The following LRP11 variants were observed in gnomAD, a reference collection of about 807,000 sequenced individuals.
The protein encoded by LRP11 is low-density lipoprotein receptor-related protein 11.
A neutral mutation model predicts 43.1 loss-of-function variants in LRP11; 25 were observed. The ratio of observed to expected loss-of-function variants is 0.58; its 90% CI spans 0.42 to 0.81. The LOEUF is 0.81. Among genes scored for constraint, LRP11 ranks in the 30% least tolerant of loss-of-function variants. The probability of loss-of-function intolerance (pLI) is 0.00; values close to 1 mark genes in which losing one functional copy is unlikely to be tolerated. For synonymous variants in LRP11, 316 were observed against 299.4 expected (o/e 1.06, Z -0.57); for missense variants, 623 against 665.1 (o/e 0.94, Z 0.70).
chr6:149,860,783 G>A (rs1776880288), intron 1 of LRP11, among the ~76,000 whole-genome samples: 1 of 152,164 alleles, frequency 6.6e-6, no homozygotes, highest in African/African-American at 2.4e-5. Flanking sequence ...CCAGCCTAGT[G>A]ATCCCTTTCT....
At chr6:149,863,338 T>C in intron 1 of LRP11, 70 bp downstream of exon 1, 6 of 1,293,634 alleles carry the variant, frequency 4.6e-6, no homozygotes, top group Non-Finnish European at 5.9e-6. Flanking sequence ...GTGTTTCGCT[T>C]CCAACTTGGC....
rs1554260744 is a variant in LRP11, at chr6:149,862,577, C to CTATTTT, written c.613+830_613+831insAAAATA. On this transcript the variant is annotated intron_variant, in intron 1 of 6. Coordinates refer to ENST00000239367, the MANE Select transcript of LRP11 (RefSeq NM_032832.6). ...CTTTAAAGTTTCCTATTTTCTTTTC[C>CTATTTT]TTTTTTTTTTTTTTTTTTTAAGATG... is the stretch of plus-strand genomic sequence containing the variant. 4.0e-5 allele frequency among the ~76,000 whole-genome samples: 5 copies of CTATTTT among 126,202 alleles called. No individual in the cohort carries two copies. In the Admixed American group the frequency reaches 4.3e-4, roughly 11 times the overall value. The allele number at this position is 126,202 out of a possible 152,430, so 82.8% of individuals were successfully genotyped here. A position where few individuals can be genotyped will look rare whatever the true frequency, so the allele number is the denominator to read the frequency against.
chr6:149,847,184 G>A (rs1776649609), intron 2 of LRP11, among the ~76,000 whole-genome samples: 2 of 152,170 alleles, frequency 1.3e-5, no homozygotes, highest in African/African-American at 4.8e-5. Flanking sequence ...CGGTTCACTA[G>A]CAAGCCTCTT....
chr6:149,861,634 C>A (rs1583100536), intron 1 of LRP11, among the ~76,000 whole-genome samples: 1 of 152,148 alleles, frequency 6.6e-6, no homozygotes, highest in East Asian at 1.9e-4. Context: ...CTGCCTCAGC[C>A]GCCCGAGGAG....
chr6:149,820,779 G>T, intron 6 of LRP11, 76 bp from the exon 7 acceptor site: 1 of 719,180 alleles, frequency 1.4e-6, no homozygotes. Context: ...TATATGATAC[G>T]CGCTTTGCAT....
At chr6:149,856,869 A>G (rs2115417814) in intron 1 of LRP11, among the ~76,000 whole-genome samples, 1 of 152,290 alleles carries the variant, frequency 6.6e-6, no homozygotes, top group South Asian at 2.1e-4. Context: ...AAGAACCCTG[A>G]AGTCAGGGTA....
Position 149,864,056 on chromosome 6 carries a change from G to A in LRP11, c.-36C>T. On this transcript the variant is annotated 5_prime_UTR_variant, in exon 1 of 7. Transcript: ENST00000239367. ...GCCAAGGGCAGCGAGCCGAGGCGGG[G>A]CTGAGCGCGGGAGGAAGGCGGGGAC... is the stretch of plus-strand genomic sequence containing the variant. The A allele has an allele frequency of 3.9e-6, 5 of 1,280,022 alleles. No homozygotes were observed. Among genetic ancestry groups the A allele is most frequent in the Non-Finnish European group, 4.9e-6 (5 of 1,017,416 alleles). 79.3% of individuals were successfully genotyped at this position (1,280,022 alleles called of 1,614,324 possible).
At chr6:149,842,463 T>C in intron 3 of LRP11, 1 of 620,586 alleles carries the variant, frequency 1.6e-6, no homozygotes. Context: ...TATCATTAAC[T>C]ATAGTCACCA....
Position 149,835,866 on chromosome 6 carries a change from G to C in LRP11, c.1252+219C>G, listed in dbSNP as rs575657414. Among the ~76,000 whole-genome samples the C allele has an allele frequency of 2.0e-5, 3 of 152,246 alleles. No homozygotes were observed. The South Asian group carries it at 6.2e-4, about 32-fold the overall frequency. On this transcript the variant is annotated intron_variant, in intron 5 of 6. Coordinates refer to ENST00000239367, the MANE Select transcript of LRP11 (RefSeq NM_032832.6). ...AATGTATTTACAAATAAATGTATTA[G>C]TGTCTCTGGAGTAGGTACATGAGTG...
At chr6:149,825,407 A>C (rs1776325456) in intron 6 of LRP11, among the ~76,000 whole-genome samples, 1 of 152,218 alleles carries the variant, frequency 6.6e-6, no homozygotes, top group Admixed American at 6.5e-5. Context: ...AAAGAGAACT[A>C]GGTATTCTAA....
In LRP11 at chr6:149,853,177, A is replaced by T. The variant is rs762215138; in HGVS notation, c.614-17T>A. On this transcript the variant is annotated splice_polypyrimidine_tract_variant and intron_variant, in intron 1 of 6. Coordinates refer to ENST00000239367, the MANE Select transcript of LRP11 (RefSeq NM_032832.6). ...CATCCTTTTCTGAGAAAGAAAATAA[A>T]TAATTCATAAAAGATGATTTCTTAT... The T allele has an allele frequency of 3.2e-6, 5 of 1,544,206 alleles. No homozygotes were observed. In the South Asian group the frequency reaches 6.1e-5, roughly 19 times the overall value.
At chr6:149,854,382 C>G in intron 1 of LRP11, among the ~76,000 whole-genome samples, 1 of 152,106 alleles carries the variant, frequency 6.6e-6, no homozygotes, top group East Asian at 1.9e-4. Context: ...GCTGGAATTA[C>G]AAGTGTGAGC....
At chr6:149,821,129 A>C (rs1776273078) in intron 6 of LRP11, among the ~76,000 whole-genome samples, 1 of 151,852 alleles carries the variant, frequency 6.6e-6, no homozygotes, top group Non-Finnish European at 1.5e-5. Flanking sequence ...TGGGGTTTCA[A>C]CATCTTGGCC....
chr6:149,822,932 A>G (rs1283427663), intron 6 of LRP11, among the ~76,000 whole-genome samples: 1 of 152,160 alleles, frequency 6.6e-6, no homozygotes, highest in Non-Finnish European at 1.5e-5. Context: ...GGGCCTAAAT[A>G]TGTGGGAGCC....
chr6:149,838,963 G>C (rs1776509163), intron 3 of LRP11, among the ~76,000 whole-genome samples: 1 of 152,046 alleles, frequency 6.6e-6, no homozygotes, highest in Admixed American at 6.6e-5. Context: ...CAGGAACATG[G>C]GGAAGTGGCA....
At chr6:149,848,882 AAG>A (rs1363203336) in intron 2 of LRP11, among the ~76,000 whole-genome samples, 9 of 152,212 alleles carry the variant, frequency 5.9e-5, no homozygotes, top group Admixed American at 5.9e-4. Flanking sequence ...CTTAACCTAA[AAG>A]TTAAAATATG....
chr6:149,842,585 G>A (rs995429382), intron 3 of LRP11: 32 of 1,503,620 alleles, frequency 2.1e-5, no homozygotes, highest in East Asian at 9.8e-5. Flanking sequence ...TCCAGTAACC[G>A]CCATTCCACT....
chr6:149,835,250 A>C (rs1267162060), intron 5 of LRP11, among the ~76,000 whole-genome samples: 1 of 152,124 alleles, frequency 6.6e-6, no homozygotes, highest in Non-Finnish European at 1.5e-5. Context: ...AGTAGCTGGG[A>C]TTATAGGTGA....
At chr6:149,834,107 C>CT (rs1776442118) in intron 5 of LRP11, among the ~76,000 whole-genome samples, 1 of 152,118 alleles carries the variant, frequency 6.6e-6, no homozygotes, top group Non-Finnish European at 1.5e-5. Flanking sequence ...GCTTCCATTT[C>CT]TAACGTGAGG....
Sources: allele counts gnomAD v4.1 joint callset (sites outside exome capture counted in the v4.1 genomes callset), GRCh38; gene constraint gnomAD v4.1.1; transcripts MANE v1.5; gene names NCBI Gene and HGNC (gene_info 2026-07-23, HGNC 2026-07-21).